The following ADCY5 variants were observed in gnomAD, a reference collection of about 807,000 sequenced individuals.
The protein encoded by ADCY5 is adenylate cyclase type 5.
ADCY5 carries 30 observed loss-of-function variants against 119.7 expected under a neutral mutation model. The observed-to-expected ratio is 0.25, with a 90% CI of 0.19 to 0.34. The LOEUF is 0.34. Ranked by LOEUF, ADCY5 falls within the 10% of genes least tolerant of loss-of-function variation. The pLI is 1.00. For synonymous variants in ADCY5, 753 were observed against 762.2 expected (o/e 0.99, Z 0.20); for missense variants, 1,324 against 1,775.2 (o/e 0.75, Z 4.57).
intron 1 of ADCY5, among the ~76,000 whole-genome samples, chr3:123,438,589 C>T (rs1028209960): frequency 6.6e-6 from 1 of 152,134 alleles, no homozygotes; most frequent in South Asian, 2.1e-4. Flanking sequence ...ATGATACCTA[C>T]CCCTGCCCCA....
At chr3:123,328,558 G>A (rs1035484019) in intron 6 of ADCY5, 86 bp downstream of exon 6, 76 of 1,221,764 alleles carry the variant, frequency 6.2e-5, no homozygotes, top group East Asian at 8.5e-5. Flanking sequence ...ACCCTGCCCC[G>A]CCTCGCCTCT....
chr3:123,351,665 A>G (rs1345128724), intron 2 of ADCY5, among the ~76,000 whole-genome samples: 1 of 152,138 alleles, frequency 6.6e-6, no homozygotes, highest in Non-Finnish European at 1.5e-5. Flanking sequence ...CATGACTCAG[A>G]GTCACCAGAC....
intron 1 of ADCY5, among the ~76,000 whole-genome samples, chr3:123,393,977 T>TAC (rs1944471699): frequency 1.3e-5 from 2 of 152,020 alleles, no homozygotes; most frequent in South Asian, 4.2e-4. Context: ...CTACTAAAAA[T>TAC]ACACACACAC....
At chr3:123,396,202 GA>G (rs1944556998) in intron 1 of ADCY5, among the ~76,000 whole-genome samples, 1 of 126,668 alleles carries the variant, frequency 7.9e-6, no homozygotes, top group African/African-American at 3.0e-5. Flanking sequence ...AAGGAAGGAA[GA>G]AAAGAAAGAG....
chr3:123,324,976 A>G (rs557787232), intron 8 of ADCY5, among the ~76,000 whole-genome samples: 1 of 152,332 alleles, frequency 6.6e-6, no homozygotes, highest in East Asian at 1.9e-4. Context: ...CTGGGGCCTC[A>G]CCAGACAGTG....
chr3:123,313,474 T>C (rs1940704175), intron 12 of ADCY5, among the ~76,000 whole-genome samples: 1 of 152,192 alleles, frequency 6.6e-6, no homozygotes, highest in South Asian at 2.1e-4. Flanking sequence ...GGCACAGATC[T>C]GTCCCAGGGA....
chr3:123,330,870 C>G lies in ADCY5; in HGVS notation c.1646+19G>C. 2 of 1,601,972 alleles carry G rather than the reference C, an allele frequency of 1.2e-6. No homozygotes were observed. Among genetic ancestry groups the G allele is most frequent in the Non-Finnish European group, 1.7e-6 (2 of 1,174,192 alleles). On this transcript the variant is annotated intron_variant, in intron 5 of 20. Coordinates refer to ENST00000462833, the MANE Select transcript of ADCY5 (RefSeq NM_183357.3). ...ACAGTCCCAGGGAGGGAGACGGTAC[C>G]CGGGGGGTGGACACTTACGAGATGG...
At chr3:123,319,858 C>T in intron 9 of ADCY5, 40 bp from the exon 10 acceptor site, 3 of 1,602,852 alleles carry the variant, frequency 1.9e-6, no homozygotes, top group Non-Finnish European at 2.6e-6. Context: ...AGGCTGACCA[C>T]AGGGGCACCA....
chr3:123,319,664 G>A lies in ADCY5; in HGVS notation c.2256+10C>T. 6.2e-7 allele frequency: 1 copy of A among 1,613,306 alleles called. No homozygotes were observed. Among genetic ancestry groups the A allele is most frequent in the Non-Finnish European group, 8.5e-7 (1 of 1,179,374 alleles). Reference sequence around the variant, plus strand: ...GCACAGGGGCCTCCTTCCCACCCAGGGTGCTGTACCTTCTTCTCTAAGTCA... The same window carrying A: ...GCACAGGGGCCTCCTTCCCACCCAGAGTGCTGTACCTTCTTCTCTAAGTCA... On this transcript the variant is annotated intron_variant, in intron 10 of 20. Coordinates refer to ENST00000462833, the MANE Select transcript of ADCY5 (RefSeq NM_183357.3).
chr3:123,438,914 C>A (rs1028324598), intron 1 of ADCY5, among the ~76,000 whole-genome samples: 2 of 151,464 alleles, frequency 1.3e-5, no homozygotes, highest in African/African-American at 4.8e-5. Flanking sequence ...ACCTGATTAA[C>A]CTTTTTAAAA....
chr3:123,287,339 C>T (rs1371083919), intron 19 of ADCY5, among the ~76,000 whole-genome samples: 1 of 152,184 alleles, frequency 6.6e-6, no homozygotes, highest in Non-Finnish European at 1.5e-5. Context: ...CCAATCTCAC[C>T]CAAGGCAACG....
At chr3:123,293,213 G>C (rs564407876) in intron 17 of ADCY5, among the ~76,000 whole-genome samples, 2 of 152,216 alleles carry the variant, frequency 1.3e-5, no homozygotes, top group Non-Finnish European at 2.9e-5. Context: ...AGTTAGGCTA[G>C]GAGGGGGCCA....
intron 1 of ADCY5, among the ~76,000 whole-genome samples, chr3:123,411,218 G>A (rs972670389): frequency 1.3e-5 from 2 of 152,168 alleles, no homozygotes; most frequent in African/African-American, 2.4e-5. Flanking sequence ...AGTCAAGGGC[G>A]TACTAGTGCC....
intron 1 of ADCY5, among the ~76,000 whole-genome samples, chr3:123,424,123 G>A (rs1007069919): frequency 6.6e-6 from 1 of 152,242 alleles, no homozygotes; most frequent in Non-Finnish European, 1.5e-5. Context: ...ATTATCCCAT[G>A]GCACTCAAGT....
intron 3 of ADCY5, among the ~76,000 whole-genome samples, chr3:123,347,068 G>C (rs533140439): frequency 1.7e-4 from 26 of 152,196 alleles, no homozygotes; most frequent in Admixed American, 1.4e-3. Context: ...CTGCTGGCTC[G>C]GGGACCTTGA....
chr3:123,343,973 G>A (rs943102914), intron 3 of ADCY5, among the ~76,000 whole-genome samples: 1 of 152,228 alleles, frequency 6.6e-6, no homozygotes, highest in African/African-American at 2.4e-5. Flanking sequence ...CACGGCCAGT[G>A]GTGGCTCAGC....
chr3:123,287,976 G>A (rs969156596), intron 19 of ADCY5, among the ~76,000 whole-genome samples: 3 of 152,228 alleles, frequency 2.0e-5, no homozygotes, highest in Non-Finnish European at 2.9e-5. Flanking sequence ...GCAGGTGGAC[G>A]AGATGGGGTG....
chr3:123,407,836 T>A (rs375641825), intron 1 of ADCY5, among the ~76,000 whole-genome samples: 1 of 142,926 alleles, frequency 7.0e-6, no homozygotes, highest in East Asian at 2.1e-4. Flanking sequence ...ATTCCACTTA[T>A]AGGACATATC....
intron 15 of ADCY5, among the ~76,000 whole-genome samples, chr3:123,299,375 T>A (rs1939700573): frequency 6.6e-6 from 1 of 152,208 alleles, no homozygotes; most frequent in Non-Finnish European, 1.5e-5. Context: ...CACCTTAGTT[T>A]GGGTTGACAA....
Sources: allele counts gnomAD v4.1 joint callset (sites outside exome capture counted in the v4.1 genomes callset), GRCh38; gene constraint gnomAD v4.1.1; transcripts MANE v1.5; gene names NCBI Gene and HGNC (gene_info 2026-07-23, HGNC 2026-07-21).